The following ARID4B variants were observed in gnomAD, a reference collection of about 807,000 sequenced individuals.
The protein encoded by ARID4B is AT-rich interactive domain-containing protein 4B.
In ARID4B, 26 loss-of-function variants were observed where a neutral mutation model predicts 147.5. The ratio of observed to expected loss-of-function variants is 0.18; its 90% CI spans 0.13 to 0.24. ARID4B has a LOEUF of 0.24. ARID4B is among the 10% of genes least tolerant of loss of function. The probability of loss-of-function intolerance (pLI) is 1.00; values close to 1 mark genes in which losing one functional copy is unlikely to be tolerated. For synonymous variants in ARID4B, 512 were observed against 507.9 expected (o/e 1.01, Z -0.11); for missense variants, 1,179 against 1,511.5 (o/e 0.78, Z 3.65).
intron 7 of ARID4B, among the ~76,000 whole-genome samples, chr1:235,246,145 G>C (rs572250440): frequency 7.6e-4 from 116 of 152,268 alleles, no homozygotes; most frequent in African/African-American, 2.3e-3. Context: ...GAAAACAAGC[G>C]ATGTATTCAG....
intron 2 of ARID4B, among the ~76,000 whole-genome samples, chr1:235,310,829 C>T (rs1310168073): frequency 6.6e-6 from 1 of 152,100 alleles, no homozygotes; most frequent in Non-Finnish European, 1.5e-5. Context: ...GGCCACCACT[C>T]CTGGCTATTT....
chr1:235,323,689 C>A lies in ARID4B; in HGVS notation c.6+3225G>T, dbSNP rs553007231. ...ATTCCAGTTACTCAGGAGGCTGAGGCAGGAGAACTGCTTGAACCTGGGAGG... is the reference window on the plus strand; with the variant it reads ...ATTCCAGTTACTCAGGAGGCTGAGGAAGGAGAACTGCTTGAACCTGGGAGG... On this transcript the variant is annotated intron_variant, in intron 2 of 23. Transcript: ENST00000264183. Among the ~76,000 whole-genome samples the A allele has an allele frequency of 2.0e-5, 3 of 151,568 alleles. No individual in the cohort carries two copies. In the South Asian group the frequency reaches 6.3e-4, roughly 32 times the overall value.
At chr1:235,232,272 T>A (rs1668285370) in intron 9 of ARID4B, among the ~76,000 whole-genome samples, 1 of 151,466 alleles carries the variant, frequency 6.6e-6, no homozygotes, top group Non-Finnish European at 1.5e-5. Flanking sequence ...ATATAAAAAT[T>A]AGCTGGGTGT....
intron 2 of ARID4B, among the ~76,000 whole-genome samples, chr1:235,276,977 T>A (rs936757732): frequency 2.1e-5 from 3 of 145,526 alleles, no homozygotes; most frequent in Non-Finnish European, 4.5e-5. Flanking sequence ...CAAGCCTAGG[T>A]GATGGAGCAA....
intron 2 of ARID4B, among the ~76,000 whole-genome samples, chr1:235,278,781 G>A (rs1256233235): frequency 1.3e-5 from 2 of 152,082 alleles, no homozygotes; most frequent in Non-Finnish European, 2.9e-5. Flanking sequence ...ACCACTTTTG[G>A]CACACTGTAT....
chr1:235,193,257 C>T (rs1207523716), intron 19 of ARID4B, among the ~76,000 whole-genome samples: 1 of 152,130 alleles, frequency 6.6e-6, no homozygotes, highest in Non-Finnish European at 1.5e-5. Context: ...ATTAGCCGGG[C>T]ATGGTGGCAT....
At chr1:235,231,569 C>T (rs1312652249) in intron 9 of ARID4B, among the ~76,000 whole-genome samples, 2 of 152,322 alleles carry the variant, frequency 1.3e-5, no homozygotes, top group East Asian at 3.9e-4. Context: ...TCACCACAAC[C>T]TCTACCTCCC....
Position 235,326,903 on chromosome 1 carries a change from G to C in ARID4B, c.6+11C>G. 1.9e-6 allele frequency: 3 copies of C among 1,614,024 alleles called. No individual in the cohort carries two copies. The highest frequency in any genetic ancestry group is 2.5e-6 in the Non-Finnish European group (3 of 1,179,922). On this transcript the variant is annotated intron_variant, in intron 2 of 23. Coordinates refer to ENST00000264183, the MANE Select transcript of ARID4B (RefSeq NM_016374.6). ...TAACCCCAGAGATTCGTTTTCCGCAGGCAATCTTACCTTCATGATGACTCT... is the reference window on the plus strand; with the variant it reads ...TAACCCCAGAGATTCGTTTTCCGCACGCAATCTTACCTTCATGATGACTCT...
Position 235,182,536 on chromosome 1 carries a change from A to C in ARID4B, c.2383T>G (p.Tyr795Asp). Residue 795 changes from tyrosine (Y) to aspartate (D), a missense_variant, in exon 20 of 24, where the codon TAT becomes GAT. This residue lies in a region of ARID4B where 321 missense variants were observed against 342.4 expected (regional missense o/e 0.94). Transcript: ENST00000264183. ...TTTTTTGTGACTTCATCTTCTTCAT[A>C]ATCAGTATCTTCGGATAATACTTCT... ...DIEVLSEDTD[Y>D]EEDEVTKKRK... 4 of 1,613,020 alleles carry C rather than the reference A, an allele frequency of 2.5e-6. No homozygotes were observed. Among genetic ancestry groups the C allele is most frequent in the Non-Finnish European group, 3.4e-6 (4 of 1,179,828 alleles).
chr1:235,212,729 ACT>A (rs1666788860), intron 17 of ARID4B, among the ~76,000 whole-genome samples: 1 of 152,172 alleles, frequency 6.6e-6, no homozygotes, highest in Non-Finnish European at 1.5e-5. Flanking sequence ...CAGCCTCAAA[ACT>A]CTCAGAAGTG....
At chr1:235,216,693 A>G (rs567000158) in intron 16 of ARID4B, among the ~76,000 whole-genome samples, 1 of 152,272 alleles carries the variant, frequency 6.6e-6, no homozygotes, top group African/African-American at 2.4e-5. Context: ...CTATTATAAA[A>G]AAGTAATTTT....
chr1:235,186,350 C>T (rs951044678), intron 19 of ARID4B, among the ~76,000 whole-genome samples: 1 of 151,920 alleles, frequency 6.6e-6, no homozygotes, highest in African/African-American at 2.4e-5. Context: ...CATCACTGCT[C>T]TTTTAAACTT....
rs191001283 is a variant in ARID4B, at chr1:235,280,417, A to G, written c.7-19665T>C. ...CAGGCTCTAACAAGAGACGATCACT[A>G]AAATCAGGCTATTTGACAAACAAAA... On this transcript the variant is annotated intron_variant, in intron 2 of 23. Coordinates refer to ENST00000264183, the MANE Select transcript of ARID4B (RefSeq NM_016374.6). 5.6e-3 allele frequency among the ~76,000 whole-genome samples: 853 copies of G among 152,356 alleles called. 2 individuals carry two copies. Among genetic ancestry groups the G allele is most frequent in the Non-Finnish European group, 9.3e-3 (636 of 68,026 alleles).
intron 2 of ARID4B, among the ~76,000 whole-genome samples, chr1:235,309,616 A>G (rs148397221): frequency 0.11 from 5,573 of 50,492 alleles, 8 homozygotes; most frequent in South Asian, 0.2. Flanking sequence ...CTGCCCGGCC[A>G]CCCCTACTGG....
chr1:235,202,054 C>T (rs1665977806), intron 17 of ARID4B, among the ~76,000 whole-genome samples: 1 of 149,738 alleles, frequency 6.7e-6, no homozygotes, highest in African/African-American at 2.5e-5. Context: ...TATATACAAT[C>T]CAGGATAGTT....
chr1:235,308,080 C>T (rs1382436216), intron 2 of ARID4B, among the ~76,000 whole-genome samples: 3 of 134,684 alleles, frequency 2.2e-5, no homozygotes, highest in Non-Finnish European at 4.7e-5. Context: ...ATGATTTCTT[C>T]TAATTTTTTT....
intron 16 of ARID4B, among the ~76,000 whole-genome samples, chr1:235,218,341 A>G (rs1667229662): frequency 6.6e-6 from 1 of 152,228 alleles, no homozygotes; most frequent in Admixed American, 6.5e-5. Flanking sequence ...TCTATAAAAT[A>G]AGCAGAAGCA....
chr1:235,192,158 T>C (rs555235364), intron 19 of ARID4B, among the ~76,000 whole-genome samples: 27 of 152,120 alleles, frequency 1.8e-4, no homozygotes, highest in African/African-American at 6.5e-4. Context: ...AATTCAATTC[T>C]GAAGAAAAGT....
chr1:235,258,048 C>T (rs1158568346), intron 3 of ARID4B, among the ~76,000 whole-genome samples: 1 of 152,020 alleles, frequency 6.6e-6, no homozygotes, highest in East Asian at 1.9e-4. Context: ...AACTGAGAAA[C>T]AGGCCAGGTG....
Sources: gnomAD v4.1 joint callset for allele counts (sites outside exome capture counted in the v4.1 genomes callset) on GRCh38, gnomAD v4.1.1 for gene constraint, gnomAD v4.1.1 regional missense constraint, MANE v1.5 for transcripts, NCBI Gene and HGNC (gene_info 2026-07-23, HGNC 2026-07-21) for gene names.